The following PXN variants were observed in gnomAD, a reference collection of about 807,000 sequenced individuals.
PXN encodes testicular tissue protein Li 134.
Under a neutral mutation model 103.6 loss-of-function variants are expected in PXN, and 61 were observed. The ratio of observed to expected loss-of-function variants is 0.59; its 90% confidence interval spans 0.48 to 0.73. The LOEUF is 0.73. Among genes scored for constraint, PXN ranks in the 30% least tolerant of loss-of-function variants. The pLI is 0.00. For missense variants in PXN, 1,274 were observed against 1,460.3 expected, an observed-to-expected ratio of 0.87 and a Z score of 2.08; for synonymous variants, 562 against 607.8, an observed-to-expected ratio of 0.92 and a Z score of 1.11.
intron 1 of PXN, among the ~76,000 whole-genome samples, chr12:120,258,035 T>C (rs945703692): frequency 6.6e-6 from 1 of 151,774 alleles, no homozygotes; most frequent in African/African-American, 2.4e-5. Context: ...TCTACTAAAA[T>C]TACAAAAATT....
In PXN at chr12:120,224,698, C is replaced by A. The variant is rs1469264261; in HGVS notation, c.14-321G>T. 1.7e-6 allele frequency: 1 copy of A among 593,408 alleles called. No individual in the cohort carries two copies. The highest frequency in any genetic ancestry group is 3.2e-6 in the Non-Finnish European group (1 of 315,648). 36.8% of individuals were successfully genotyped at this position (593,408 alleles called of 1,614,324 possible). A position where few individuals can be genotyped will look rare whatever the true frequency, so the allele number is the denominator to read the frequency against. Reference sequence around the variant, plus strand: ...CCCTCCTGACAGGGCCGCGCAGCCGCGAGTGAAGTGCCTGTCTGGAACTCT... The same window carrying A: ...CCCTCCTGACAGGGCCGCGCAGCCGAGAGTGAAGTGCCTGTCTGGAACTCT... On this transcript the variant is annotated intron_variant, in intron 1 of 14. Transcript: ENST00000637617. This position sits in a 1 kb window ranked among gnomAD's most constrained non-coding sequence, Gnocchi z 5.0.
At chr12:120,261,910 C>G (rs1300448825) in intron 1 of PXN, among the ~76,000 whole-genome samples, 1 of 152,240 alleles carries the variant, frequency 6.6e-6, no homozygotes, top group Non-Finnish European at 1.5e-5. Flanking sequence ...TCAAACCCAC[C>G]AAGGTTTGAA....
Position 120,222,845 on chromosome 12 carries a change from C to A in PXN, c.493+18G>T. On this transcript the variant is annotated intron_variant, in intron 4 of 14. Transcript: ENST00000637617. The surrounding 1 kb of genome is among the most constrained non-coding windows in gnomAD (Gnocchi z 4.7). ...GCCCTGGGCCCTGGTAGACCCTGCCCCAGGGACCCGGTCCTACCTGCAGGG... is the reference window on the plus strand; with the variant it reads ...GCCCTGGGCCCTGGTAGACCCTGCCACAGGGACCCGGTCCTACCTGCAGGG... 6.2e-7 allele frequency: 1 copy of A among 1,612,580 alleles called. No homozygotes were observed.
At chr12:120,223,448 A>T (rs901164826) in intron 3 of PXN, among the ~76,000 whole-genome samples, 2 of 151,766 alleles carry the variant, frequency 1.3e-5, no homozygotes, top group African/African-American at 4.8e-5. Context: ...TCTCAAAAAA[A>T]AAGAAAAAAA....
intron 1 of PXN, among the ~76,000 whole-genome samples, chr12:120,263,596 C>T (rs1046241938): frequency 1.3e-5 from 2 of 152,196 alleles, no homozygotes; most frequent in African/African-American, 4.8e-5. Flanking sequence ...AGCCTCTCTT[C>T]GTCTCGGCTT....
intron 1 of PXN, among the ~76,000 whole-genome samples, chr12:120,240,989 G>C (rs921628083): frequency 1.3e-5 from 2 of 152,104 alleles, no homozygotes; most frequent in African/African-American, 4.8e-5. Flanking sequence ...GGGAGGAAGA[G>C]AGCCCCCCAA....
chr12:120,240,296 C>T (rs1157712967), intron 1 of PXN, among the ~76,000 whole-genome samples: 1 of 152,124 alleles, frequency 6.6e-6, no homozygotes, highest in African/African-American at 2.4e-5. Context: ...GGAGCTGTCC[C>T]ACCCACAAAG....
intron 1 of PXN, among the ~76,000 whole-genome samples, chr12:120,261,593 G>A (rs1419600236): frequency 1.3e-5 from 2 of 152,114 alleles, no homozygotes; most frequent in African/African-American, 2.4e-5. Flanking sequence ...AGGTAAAGAC[G>A]CAAGAGAAGC....
chr12:120,222,446 AC>A lies in PXN; in HGVS notation c.695+102del. On this transcript the variant is annotated intron_variant, in intron 5 of 14. Coordinates refer to ENST00000637617, the MANE Select transcript of PXN (RefSeq NM_001385981.1). This position sits in a 1 kb window ranked among gnomAD's most constrained non-coding sequence, Gnocchi z 4.7. Reference sequence around the variant, plus strand: ...CCCCAGTGCCTGGCAAATGGCAGACACGGGAGGGAGTGGGTGATACCAGGGC... The same window carrying A: ...CCCCAGTGCCTGGCAAATGGCAGACAGGGAGGGAGTGGGTGATACCAGGGC... The A allele has an allele frequency of 1.6e-6, 2 of 1,283,666 alleles. No individual in the cohort carries two copies. The highest frequency in any genetic ancestry group is 5.3e-4 in the Middle Eastern group (2 of 3,794). The allele number at this position is 1,283,666 out of a possible 1,614,324, so 79.5% of individuals were successfully genotyped here. A position where few individuals can be genotyped will look rare whatever the true frequency, so the allele number is the denominator to read the frequency against.
intron 1 of PXN, among the ~76,000 whole-genome samples, chr12:120,232,655 C>G (rs920702849): frequency 6.6e-6 from 1 of 152,158 alleles, no homozygotes; most frequent in Non-Finnish European, 1.5e-5. Flanking sequence ...GCAAGTTGAT[C>G]TGTTGCAGAG....
intron 1 of PXN, among the ~76,000 whole-genome samples, chr12:120,260,490 T>G (rs1282098337): frequency 3.8e-4 from 35 of 91,242 alleles, no homozygotes; most frequent in East Asian, 6.3e-4. Flanking sequence ...GCAATAAGAG[T>G]GAAACTCAGG....
intron 1 of PXN, among the ~76,000 whole-genome samples, chr12:120,241,387 C>A (rs1890105400): frequency 6.6e-6 from 1 of 152,218 alleles, no homozygotes; most frequent in Non-Finnish European, 1.5e-5. Context: ...CAGATGTGGC[C>A]TCGCTTGGGT....
chr12:120,221,885 C>A lies in PXN; in HGVS notation c.696-127G>T, dbSNP rs1379848872. 2 of 1,357,108 alleles carry A rather than the reference C, an allele frequency of 1.5e-6. No individual in the cohort carries two copies. The highest frequency in any genetic ancestry group is 2.0e-6 in the Non-Finnish European group (2 of 1,020,316). 84.1% of individuals were successfully genotyped at this position (1,357,108 alleles called of 1,614,324 possible). ...CCAACCCCAGGGAGGTCCACCAGCT[C>A]CCTGTCTCTCCTGGGGACCCATCAC... On this transcript the variant is annotated intron_variant, in intron 5 of 14. Transcript: ENST00000637617. The surrounding 1 kb of genome is among the most constrained non-coding windows in gnomAD (Gnocchi z 6.6).
chr12:120,249,546 C>T (rs1242078112), intron 1 of PXN, among the ~76,000 whole-genome samples: 3 of 152,128 alleles, frequency 2.0e-5, no homozygotes, highest in Non-Finnish European at 4.4e-5. Context: ...GGTGACACCC[C>T]AGCCCCCATG....
intron 1 of PXN, among the ~76,000 whole-genome samples, chr12:120,230,219 G>A (rs1274044956): frequency 2.6e-5 from 4 of 152,198 alleles, no homozygotes; most frequent in African/African-American, 9.7e-5. Context: ...CAGCAGCAAC[G>A]GGCTGCCATA....
chr12:120,227,772 G>A (rs1198031156), intron 1 of PXN, among the ~76,000 whole-genome samples: 1 of 152,152 alleles, frequency 6.6e-6, no homozygotes, highest in East Asian at 1.9e-4. Context: ...AGAAATACAG[G>A]AGGCAAGCCA....
At position 120,214,817 on chromosome 12, in the gene PXN, G is replaced by A; in HGVS notation, c.2748+8C>T. On this transcript the variant is annotated splice_region_variant and intron_variant, in intron 12 of 14. Transcript: ENST00000637617. The surrounding 1 kb of genome is among the most constrained non-coding windows in gnomAD (Gnocchi z 5.0). The stretch of plus-strand genomic sequence containing the variant: ...GGAAGCGGGCGCGGTGCCGGATGAG[G>A]AACTCACATCCAGGATGGGGCCGTT... 6.2e-7 allele frequency: 1 copy of A among 1,613,660 alleles called. No homozygotes were observed. Among genetic ancestry groups the A allele is most frequent in the Non-Finnish European group, 8.5e-7 (1 of 1,179,598 alleles).
intron 1 of PXN, among the ~76,000 whole-genome samples, chr12:120,246,855 A>T (rs1164091597): frequency 8.1e-6 from 1 of 123,730 alleles, no homozygotes; most frequent in Non-Finnish European, 1.8e-5. Context: ...AATCTGTCTT[A>T]AAAAAAAAAA....
rs1298633147 is a variant in PXN at position 120,210,497 on chromosome 12, G to A, written c.*1817C>T. The A allele has an allele frequency of 6.6e-6, 1 of 152,014 alleles. No homozygotes were observed. Among genetic ancestry groups the A allele is most frequent in the African/African-American group, 2.4e-5 (1 of 41,388 alleles). 9.4% of individuals were successfully genotyped at this position (152,014 alleles called of 1,614,324 possible). On this transcript the variant is annotated 3_prime_UTR_variant, in exon 15 of 15. Coordinates refer to ENST00000637617, the MANE Select transcript of PXN (RefSeq NM_001385981.1). Reference sequence around the variant, plus strand: ...GCATAAATCACAGGAATTGAAATGGGAAAAGCCAGCTTGGAAGTTTACAGA... The same window carrying A: ...GCATAAATCACAGGAATTGAAATGGAAAAAGCCAGCTTGGAAGTTTACAGA...
Sources: allele counts gnomAD v4.1 joint callset (sites outside exome capture counted in the v4.1 genomes callset), GRCh38; gene constraint gnomAD v4.1.1; non-coding constraint Gnocchi (gnomAD v3.1); transcripts MANE v1.5; gene names NCBI Gene and HGNC (gene_info 2026-07-23, HGNC 2026-07-21).